FBXO11: variants seen among roughly 807,000 people sequenced by gnomAD.
The protein encoded by FBXO11 is F-box protein 11.
In FBXO11, 13 loss-of-function variants were observed where a neutral mutation model predicts 117.0. The observed-to-expected ratio is 0.11, with a 90% CI of 0.07 to 0.18. The LOEUF (loss-of-function observed/expected upper bound fraction) is 0.18, where lower values mean the gene tolerates loss of function less well. Among genes scored for constraint, FBXO11 ranks in the 10% least tolerant of loss-of-function variants. The pLI is 1.00. For missense variants in FBXO11, 767 were observed against 1,164.4 expected, an observed-to-expected ratio of 0.66 and a Z score of 4.97; for synonymous variants, 490 against 380.5, an observed-to-expected ratio of 1.29 and a Z score of -3.35.
intron 1 of FBXO11, among the ~76,000 whole-genome samples, chr2:47,859,155 G>A (rs1197076576): frequency 2.0e-5 from 3 of 151,904 alleles, no homozygotes; most frequent in Non-Finnish European, 2.9e-5. Context: ...CAGAACTAAT[G>A]AGCAATACAG....
At chr2:47,816,728 C>G (rs576543037) in intron 16 of FBXO11, among the ~76,000 whole-genome samples, 1 of 152,196 alleles carries the variant, frequency 6.6e-6, no homozygotes, top group Non-Finnish European at 1.5e-5. Flanking sequence ...TCTTGGGTTA[C>G]TGGGTGCATT....
intron 11 of FBXO11, among the ~76,000 whole-genome samples, chr2:47,826,460 A>C (rs1379909827): frequency 6.6e-6 from 1 of 152,046 alleles, no homozygotes; most frequent in Non-Finnish European, 1.5e-5. Flanking sequence ...ATTCACATCT[A>C]TTTTATTAAG....
chr2:47,833,952 G>C (rs1278724055), intron 7 of FBXO11, among the ~76,000 whole-genome samples: 3 of 151,696 alleles, frequency 2.0e-5, no homozygotes, highest in African/African-American at 4.8e-5. Context: ...ACAGGTGTGA[G>C]CCACCACACC....
intron 1 of FBXO11, among the ~76,000 whole-genome samples, chr2:47,882,939 A>G (rs1050271129): frequency 7.9e-5 from 12 of 152,098 alleles, no homozygotes; most frequent in Admixed American, 3.9e-4. Context: ...GTGAGTCCCC[A>G]TGCCCAGCCA....
intron 1 of FBXO11, among the ~76,000 whole-genome samples, chr2:47,886,261 C>T (rs1391567633): frequency 6.6e-6 from 1 of 152,056 alleles, no homozygotes; most frequent in African/African-American, 2.4e-5. Context: ...AATCCCAGCA[C>T]TTTGGGAGGC....
intron 1 of FBXO11, among the ~76,000 whole-genome samples, chr2:47,903,060 C>T (rs1250569456): frequency 6.6e-6 from 1 of 152,094 alleles, no homozygotes; most frequent in African/African-American, 2.4e-5. Flanking sequence ...ACTTTGCGTG[C>T]TCCATAAAAC....
intron 18 of FBXO11, 122 bp downstream of exon 18, chr2:47,813,112 A>G: frequency 2.0e-6 from 2 of 1,025,132 alleles, no homozygotes; most frequent in East Asian, 2.4e-5. Flanking sequence ...GTTCAACTTG[A>G]TAAGGAAAAA....
intron 1 of FBXO11, among the ~76,000 whole-genome samples, chr2:47,864,187 G>A (rs1217872447): frequency 5.3e-5 from 8 of 152,108 alleles, no homozygotes; most frequent in African/African-American, 1.9e-4. Context: ...CTAATTAAAT[G>A]TTCCTATTCA....
chr2:47,809,842 A>G (rs1341619033), intron 19 of FBXO11, 135 bp from the exon 20 acceptor site: 1 of 586,358 alleles, frequency 1.7e-6, no homozygotes, highest in African/African-American at 1.9e-5. Context: ...AATAAAATGT[A>G]GATACCTATT....
At chr2:47,868,778 T>G (rs988824244) in intron 1 of FBXO11, among the ~76,000 whole-genome samples, 1 of 152,208 alleles carries the variant, frequency 6.6e-6, no homozygotes, top group East Asian at 1.9e-4. Context: ...AGGCCAATAC[T>G]TAGCCCCCAA....
intron 1 of FBXO11, among the ~76,000 whole-genome samples, chr2:47,856,698 C>T (rs763971017): frequency 1.6e-4 from 24 of 152,160 alleles, no homozygotes; most frequent in Non-Finnish European, 2.8e-4. Flanking sequence ...TGTCCATATT[C>T]GTAAGGTGAA....
intron 14 of FBXO11, 123 bp downstream of exon 14, chr2:47,820,239 A>T: frequency 1.8e-6 from 1 of 548,230 alleles, no homozygotes; most frequent in Non-Finnish European, 3.2e-6. Context: ...TCTAACTATT[A>T]AAGACAGTCA....
At chr2:47,905,458 G>A (rs894686304) in intron 1 of FBXO11, 31 bp downstream of exon 1, 73 of 1,213,322 alleles carry the variant, frequency 6.0e-5, no homozygotes, top group South Asian at 4.3e-4. Flanking sequence ...TGCCCGGGAA[G>A]GCGGGCGGTT....
intron 1 of FBXO11, among the ~76,000 whole-genome samples, chr2:47,860,568 G>A (rs1292337631): frequency 2.0e-5 from 3 of 151,796 alleles, no homozygotes; most frequent in Non-Finnish European, 1.5e-5. Flanking sequence ...ATGCCACCAC[G>A]CCCAGCTAAT....
chr2:47,851,296 G>T (rs565893917), intron 1 of FBXO11, among the ~76,000 whole-genome samples: 1 of 151,446 alleles, frequency 6.6e-6, no homozygotes, highest in Non-Finnish European at 1.5e-5. Flanking sequence ...GTGTGATCTC[G>T]GCTTACCACA....
intron 16 of FBXO11, among the ~76,000 whole-genome samples, chr2:47,814,968 T>A (rs1485898266): frequency 6.6e-6 from 1 of 152,188 alleles, no homozygotes; most frequent in African/African-American, 2.4e-5. Flanking sequence ...AAGCAACTCC[T>A]CATCTGTCCA....
In FBXO11 at chr2:47,833,060, T is replaced by G. The variant is rs139178411; in HGVS notation, c.945A>C (p.Lys315Asn). 1.2e-6 allele frequency: 2 copies of G among 1,610,246 alleles called. No individual in the cohort carries two copies. The highest frequency in any genetic ancestry group is 1.7e-6 in the Non-Finnish European group (2 of 1,176,912). ...TTTCAATTATAACTTTGTCTGCCAC[T>G]TTCCCAGGTGCTGTGGAGAAGATAT... ...PITMIGAAPG[K>N]VADKVIIENT... Residue 315 changes from lysine (K) to asparagine (N), a missense_variant, in exon 8 of 23, where the codon AAA (lysine) becomes AAC (asparagine). Transcript: ENST00000403359.
chr2:47,863,253 A>G lies in FBXO11; in HGVS notation c.233-23484T>C, dbSNP rs533534615. Among the ~76,000 whole-genome samples the G allele has an allele frequency of 4.7e-4, 72 of 152,278 alleles. 1 individual carries two copies. Among genetic ancestry groups the G allele is most frequent in the African/African-American group, 1.6e-3 (68 of 41,556 alleles). ...AATGCTATAGGAGAGCTAATGAGCT[A>G]ATTATTAAATTAGAATTCTATTTAC... On this transcript the variant is annotated intron_variant, in intron 1 of 22. Coordinates refer to ENST00000403359, the MANE Select transcript of FBXO11 (RefSeq NM_001190274.2).
At chr2:47,900,029 C>T (rs1262978520) in intron 1 of FBXO11, among the ~76,000 whole-genome samples, 1 of 152,058 alleles carries the variant, frequency 6.6e-6, no homozygotes, top group Non-Finnish European at 1.5e-5. Context: ...TCCTGCCTTA[C>T]CTAGTAGGTC....
Sources: gnomAD v4.1 joint callset for allele counts (sites outside exome capture counted in the v4.1 genomes callset) on GRCh38, gnomAD v4.1.1 for gene constraint, MANE v1.5 for transcripts, NCBI Gene and HGNC (gene_info 2026-07-23, HGNC 2026-07-21) for gene names.